The following CSMD2 variants were observed in gnomAD, a reference collection of about 807,000 sequenced individuals.
CSMD2 encodes CUB and Sushi multiple domains 2.
In CSMD2, 130 loss-of-function variants were observed where a neutral mutation model predicts 398.5. The observed-to-expected ratio is 0.33, with a 90% CI of 0.28 to 0.38. CSMD2 has a LOEUF of 0.38. Among genes scored for constraint, CSMD2 ranks in the 10% least tolerant of loss-of-function variants. The probability of loss-of-function intolerance (pLI) is 1.00; values close to 1 mark genes in which losing one functional copy is unlikely to be tolerated. For missense variants in CSMD2, 3,829 were observed against 4,764.9 expected, an observed-to-expected ratio of 0.80 and a Z score of 5.78; for synonymous variants, 1,828 against 1,908.5, an observed-to-expected ratio of 0.96 and a Z score of 1.10.
intron 5 of CSMD2, among the ~76,000 whole-genome samples, chr1:33,900,426 T>G (rs1642671598): frequency 6.6e-6 from 1 of 152,212 alleles, no homozygotes; most frequent in South Asian, 2.1e-4. Flanking sequence ...GCTCGGACAC[T>G]TACTAGCTAT....
chr1:33,715,501 T>G (rs1646136211), intron 20 of CSMD2, among the ~76,000 whole-genome samples: 1 of 152,082 alleles, frequency 6.6e-6, no homozygotes, highest in Non-Finnish European at 1.5e-5. Flanking sequence ...AGGGTCTCTC[T>G]CATAAGGGTT....
At position 33,754,868 on chromosome 1, in the gene CSMD2, T is replaced by C. The variant is rs142244443; in HGVS notation, c.1847-11262A>G. ...TGGGTGTTGGTCTGTAGGCTTGGTG[T>C]CTTTAGTATTTGAAAATTGAGAGTG... On this transcript the variant is annotated intron_variant, in intron 13 of 70. Transcript: ENST00000373381. Among the ~76,000 whole-genome samples the C allele has an allele frequency of 2.0e-3, 300 of 152,136 alleles. 2 individuals are homozygous for C. The highest frequency in any genetic ancestry group is 6.9e-3 in the African/African-American group (287 of 41,496).
chr1:34,153,716 C>T (rs1039323740), intron 1 of CSMD2, among the ~76,000 whole-genome samples: 4 of 152,322 alleles, frequency 2.6e-5, no homozygotes, highest in African/African-American at 7.2e-5. Context: ...CCAGAAACCT[C>T]CTGTAGGATG....
intron 64 of CSMD2, among the ~76,000 whole-genome samples, chr1:33,532,786 C>A (rs1655370230): frequency 6.6e-6 from 1 of 152,198 alleles, no homozygotes; most frequent in South Asian, 2.1e-4. Context: ...TGGAAGAAAG[C>A]ACTTTCCTCT....
At chr1:33,881,716 T>G (rs1641250770) in intron 5 of CSMD2, among the ~76,000 whole-genome samples, 1 of 152,228 alleles carries the variant, frequency 6.6e-6, no homozygotes, top group East Asian at 1.9e-4. Context: ...AACTTTTACT[T>G]GTTTTTCTGT....
At chr1:33,890,342 T>C (rs1641918393) in intron 5 of CSMD2, among the ~76,000 whole-genome samples, 2 of 150,642 alleles carry the variant, frequency 1.3e-5, no homozygotes, top group African/African-American at 2.4e-5. Flanking sequence ...ACCATTCTCC[T>C]GCCTCAGCCT....
At chr1:34,161,192 A>C (rs1263936772) in intron 1 of CSMD2, among the ~76,000 whole-genome samples, 1 of 152,224 alleles carries the variant, frequency 6.6e-6, no homozygotes, top group East Asian at 1.9e-4. Flanking sequence ...CGGGAGGCTT[A>C]AGAAAGAAGC....
chr1:33,783,907 C>T (rs1653167221), intron 12 of CSMD2, among the ~76,000 whole-genome samples: 1 of 152,136 alleles, frequency 6.6e-6, no homozygotes, highest in Non-Finnish European at 1.5e-5. Flanking sequence ...GGGCGAAGCC[C>T]ATCATTCTCA....
At chr1:33,974,355 G>A (rs912366338) in intron 3 of CSMD2, among the ~76,000 whole-genome samples, 1 of 152,210 alleles carries the variant, frequency 6.6e-6, no homozygotes, top group African/African-American at 2.4e-5. Flanking sequence ...TCCTCCCACT[G>A]CGTGCTCATT....
chr1:33,557,146 A>C (rs114857949), intron 55 of CSMD2, among the ~76,000 whole-genome samples: 3,175 of 152,300 alleles, frequency 0.021, 159 homozygotes, highest in Admixed American at 0.12. Flanking sequence ...TGGGACTTTT[A>C]ATAGATTTTG....
At chr1:33,960,586 T>C (rs1436725118) in intron 3 of CSMD2, among the ~76,000 whole-genome samples, 2 of 152,096 alleles carry the variant, frequency 1.3e-5, no homozygotes, top group African/African-American at 4.8e-5. Context: ...AGCCAAACAA[T>C]TACAGAGAGA....
At chr1:33,599,486 C>T (rs1265458296) in intron 44 of CSMD2, 1 of 152,304 alleles carries the variant, frequency 6.6e-6, no homozygotes, top group Admixed American at 6.5e-5. Flanking sequence ...AGGTTAGGTA[C>T]TTATATGATT....
intron 4 of CSMD2, among the ~76,000 whole-genome samples, chr1:33,933,410 T>G (rs943411288): frequency 6.6e-6 from 1 of 152,198 alleles, no homozygotes; most frequent in Non-Finnish European, 1.5e-5. Context: ...CCCCGCTGCA[T>G]CCAGTAATTG....
chr1:33,830,080 G>A (rs1243024131), intron 6 of CSMD2, among the ~76,000 whole-genome samples: 1 of 152,216 alleles, frequency 6.6e-6, no homozygotes, highest in Non-Finnish European at 1.5e-5. Context: ...TCTGGGGGCA[G>A]GGCACAGACA....
Position 33,537,131 on chromosome 1 carries a change from C to A in CSMD2, c.9806-36G>T. The A allele has an allele frequency of 6.2e-7, 1 of 1,609,786 alleles. No individual in the cohort carries two copies. The highest frequency in any genetic ancestry group is 1.1e-5 in the South Asian group (1 of 90,930). On this transcript the variant is annotated intron_variant, in intron 61 of 70. Coordinates refer to ENST00000373381, the MANE Select transcript of CSMD2 (RefSeq NM_001281956.2). This position sits in a 1 kb window ranked among gnomAD's most constrained non-coding sequence, Gnocchi z 4.6. Reference sequence around the variant, plus strand: ...AAAACAAAGACACAGATCACATGGTCATGGAAGCCTTCACGGCCTCATCTC... The same window carrying A: ...AAAACAAAGACACAGATCACATGGTAATGGAAGCCTTCACGGCCTCATCTC...
At chr1:34,116,366 T>C (rs1340755941) in intron 1 of CSMD2, among the ~76,000 whole-genome samples, 2 of 151,866 alleles carry the variant, frequency 1.3e-5, no homozygotes, top group East Asian at 3.8e-4. Flanking sequence ...AGAAAAAATA[T>C]ACATTAAATC....
At chr1:34,041,211 T>C (rs1651802026) in intron 2 of CSMD2, among the ~76,000 whole-genome samples, 1 of 152,148 alleles carries the variant, frequency 6.6e-6, no homozygotes, top group South Asian at 2.1e-4. Context: ...AGGACTCCCA[T>C]TCTAAGCAGA....
chr1:33,709,602 A>C, intron 21 of CSMD2: 1 of 381,042 alleles, frequency 2.6e-6, no homozygotes, highest in Non-Finnish European at 4.7e-6. Flanking sequence ...GTAGCGTAGC[A>C]ACAGAAATGA....
chr1:33,724,022 TC>T (rs1292360692), intron 19 of CSMD2, among the ~76,000 whole-genome samples, 174 bp downstream of exon 19: 1 of 152,140 alleles, frequency 6.6e-6, no homozygotes, highest in African/African-American at 2.4e-5. Context: ...TTGAACAAGT[TC>T]TACCATTCAA....
Sources: gnomAD v4.1 joint callset for allele counts (sites outside exome capture counted in the v4.1 genomes callset) on GRCh38, gnomAD v4.1.1 for gene constraint, Gnocchi (gnomAD v3.1) non-coding constraint, MANE v1.5 for transcripts, NCBI Gene and HGNC (gene_info 2026-07-23, HGNC 2026-07-21) for gene names.